Variants in RABGAP1L observed in about 807,000 individuals in gnomAD.
RABGAP1L encodes the protein RAB GTPase activating protein 1 like, also known as rab GTPase-activating protein 1-like.
RABGAP1L carries 63 observed loss-of-function variants against 137.7 expected under a neutral mutation model. That is an observed-to-expected ratio of 0.46 (90% CI 0.37 to 0.56). RABGAP1L has a LOEUF of 0.56. Ranked by LOEUF, RABGAP1L falls within the 20% of genes least tolerant of loss-of-function variation. RABGAP1L has a pLI of 0.00. For synonymous variants in RABGAP1L, 431 were observed against 433.7 expected (o/e 0.99, Z 0.08); for missense variants, 1,095 against 1,244.0 (o/e 0.88, Z 1.80).
intron 1 of RABGAP1L, among the ~76,000 whole-genome samples, chr1:174,186,212 A>T (rs1441079967): frequency 6.6e-6 from 1 of 152,100 alleles, no homozygotes; most frequent in Non-Finnish European, 1.5e-5. Context: ...GTTGACTTCT[A>T]GTGCTTTTTG....
intron 14 of RABGAP1L, among the ~76,000 whole-genome samples, chr1:174,659,804 C>T (rs556198860): frequency 1.3e-5 from 2 of 152,338 alleles, no homozygotes; most frequent in South Asian, 2.1e-4. Flanking sequence ...AAAAGCTGCT[C>T]ACCCGTAGTT....
intron 13 of RABGAP1L, among the ~76,000 whole-genome samples, chr1:174,459,198 T>G (rs1270291647): frequency 6.6e-6 from 1 of 152,154 alleles, no homozygotes; most frequent in African/African-American, 2.4e-5. Flanking sequence ...ATTTTAAAAA[T>G]CTTGATGATT....
chr1:174,227,627 G>A (rs1670292002), intron 3 of RABGAP1L, among the ~76,000 whole-genome samples: 1 of 151,616 alleles, frequency 6.6e-6, no homozygotes, highest in African/African-American at 2.4e-5. Flanking sequence ...TATTTTTAAT[G>A]TTCTATTTTA....
At chr1:174,440,722 AT>A (rs1367256985) in intron 13 of RABGAP1L, among the ~76,000 whole-genome samples, 5 of 151,980 alleles carry the variant, frequency 3.3e-5, no homozygotes, top group African/African-American at 1.2e-4. Flanking sequence ...TGCCTGGCTA[AT>A]TTTTTGTATT....
chr1:174,644,125 C>T (rs1674761622), intron 14 of RABGAP1L, among the ~76,000 whole-genome samples: 1 of 151,844 alleles, frequency 6.6e-6, no homozygotes, highest in Non-Finnish European at 1.5e-5. Flanking sequence ...AGTCACAGCT[C>T]AACTGAGAAG....
intron 18 of RABGAP1L, among the ~76,000 whole-genome samples, chr1:174,763,320 A>G (rs1453779348): frequency 6.6e-6 from 1 of 151,320 alleles, no homozygotes; most frequent in Non-Finnish European, 1.5e-5. Context: ...GATCGAGACC[A>G]TCCTGGCTAA....
At chr1:174,167,370 A>T (rs1664997783) in intron 1 of RABGAP1L, among the ~76,000 whole-genome samples, 1 of 152,230 alleles carries the variant, frequency 6.6e-6, no homozygotes, top group Non-Finnish European at 1.5e-5. Context: ...ACACGCATAC[A>T]CATAGTGTGC....
At chr1:174,911,667 G>T (rs1660075812) in intron 19 of RABGAP1L, among the ~76,000 whole-genome samples, 2 of 152,162 alleles carry the variant, frequency 1.3e-5, no homozygotes, top group Admixed American at 1.3e-4. Context: ...AAGCTCCCTT[G>T]CTGAACCTAT....
chr1:174,924,065 C>G (rs1263980481), intron 19 of RABGAP1L, among the ~76,000 whole-genome samples: 1 of 151,840 alleles, frequency 6.6e-6, no homozygotes, highest in Non-Finnish European at 1.5e-5. Flanking sequence ...TTTCAAACTA[C>G]TGGACAGTCT....
At chr1:174,397,150 C>T (rs1044393165) in intron 13 of RABGAP1L, among the ~76,000 whole-genome samples, 3 of 151,910 alleles carry the variant, frequency 2.0e-5, no homozygotes, top group Non-Finnish European at 4.4e-5. Flanking sequence ...CAGTCTCAAA[C>T]CACAAAAAAC....
Position 174,278,798 on chromosome 1 carries a change from C to A in RABGAP1L, c.1323+19C>A. The A allele has an allele frequency of 7.0e-7, 1 of 1,437,132 alleles. No homozygotes were observed. Among genetic ancestry groups the A allele is most frequent in the Non-Finnish European group, 9.2e-7 (1 of 1,090,934 alleles). 89.0% of individuals were successfully genotyped at this position (1,437,132 alleles called of 1,614,324 possible). A position where few individuals can be genotyped will look rare whatever the true frequency, so the allele number is the denominator to read the frequency against. ...GAAACAGGTAGGACCTTTTTGTTCTCTTCATATATAGTAACAAACATTTTT... is the reference window on the plus strand; with the variant it reads ...GAAACAGGTAGGACCTTTTTGTTCTATTCATATATAGTAACAAACATTTTT... On this transcript the variant is annotated intron_variant, in intron 10 of 25. Coordinates refer to ENST00000681986, the MANE Select transcript of RABGAP1L (RefSeq NM_001366446.1).
Position 174,695,828 on chromosome 1 carries a change from C to T in RABGAP1L, c.1900-3697C>T, listed in dbSNP as rs1679212629. On this transcript the variant is annotated intron_variant, in intron 15 of 25. Transcript: ENST00000681986. ...AGCCATATCTGCTTTAGGGGATGCCCCAAGCCAAATAATGCTGCAATTTTT... is the reference window on the plus strand; with the variant it reads ...AGCCATATCTGCTTTAGGGGATGCCTCAAGCCAAATAATGCTGCAATTTTT... Among the ~76,000 whole-genome samples the T allele has an allele frequency of 1.3e-5, 2 of 152,186 alleles. 1 individual carries two copies. The highest frequency in any genetic ancestry group is 4.1e-4 in the South Asian group (2 of 4,836).
chr1:174,679,233 G>A (rs1021114249), intron 14 of RABGAP1L, among the ~76,000 whole-genome samples: 7 of 152,148 alleles, frequency 4.6e-5, no homozygotes, highest in Non-Finnish European at 1.0e-4. Context: ...GCGGGTGTGA[G>A]CTAAGCTGCA....
At chr1:174,500,105 G>A (rs1426834179) in intron 13 of RABGAP1L, among the ~76,000 whole-genome samples, 1 of 148,168 alleles carries the variant, frequency 6.7e-6, no homozygotes, top group Non-Finnish European at 1.5e-5. Context: ...TTGAGATGGA[G>A]TTTTGCTCTT....
intron 13 of RABGAP1L, among the ~76,000 whole-genome samples, chr1:174,524,427 A>G (rs1255782486): frequency 6.6e-6 from 1 of 151,232 alleles, no homozygotes; most frequent in Non-Finnish European, 1.5e-5. Flanking sequence ...TTTTTTATAT[A>G]CCTGTTCGTC....
intron 13 of RABGAP1L, among the ~76,000 whole-genome samples, chr1:174,428,767 A>G (rs923138102): frequency 3.9e-5 from 6 of 152,144 alleles, no homozygotes; most frequent in African/African-American, 1.4e-4. Flanking sequence ...GGGTGTGTGT[A>G]TTTTATCCAG....
intron 3 of RABGAP1L, among the ~76,000 whole-genome samples, chr1:174,224,531 T>C (rs1670014675): frequency 6.6e-6 from 1 of 152,200 alleles, no homozygotes; most frequent in East Asian, 1.9e-4. Context: ...TTCTTGAGTG[T>C]ACTTTGGTGT....
intron 20 of RABGAP1L, chr1:174,958,071 G>A (rs1668759842): frequency 1.3e-6 from 2 of 1,522,212 alleles, no homozygotes; most frequent in East Asian, 2.5e-5. Context: ...TTTAGCAGGT[G>A]AACTGTTCCA....
At chr1:174,892,713 T>A in intron 19 of RABGAP1L, 1 of 502,170 alleles carries the variant, frequency 2.0e-6, no homozygotes, top group Non-Finnish European at 3.9e-6. Flanking sequence ...TCAGGCTACC[T>A]CATTTCTTTG....
Sources: gnomAD v4.1 joint callset for allele counts (sites outside exome capture counted in the v4.1 genomes callset) on GRCh38, gnomAD v4.1.1 for gene constraint, MANE v1.5 for transcripts, NCBI Gene and HGNC (gene_info 2026-07-23, HGNC 2026-07-21) for gene names.